SPRED1: variants seen among roughly 807,000 people sequenced by gnomAD.
SPRED1 encodes sprouty related EVH1 domain containing 1, also known as sprouty-related, EVH1 domain-containing protein 1.
SPRED1 carries 18 observed loss-of-function variants against 52.3 expected under a neutral mutation model. The observed-to-expected ratio is 0.34, with a 90% confidence interval of 0.24 to 0.51. SPRED1 has a LOEUF of 0.51. Ranked by LOEUF, SPRED1 falls within the 20% of genes least tolerant of loss-of-function variation. The pLI, the probability that SPRED1 is intolerant of heterozygous loss-of-function variation, is 0.97. For missense variants in SPRED1, 485 were observed against 551.0 expected (o/e 0.88, Z 1.20); for synonymous variants, 155 against 179.7 (o/e 0.86, Z 1.10).
intron 1 of SPRED1, among the ~76,000 whole-genome samples, chr15:38,289,409 CTT>C (rs58172284): frequency 2.5e-4 from 36 of 144,554 alleles, no homozygotes; most frequent in African/African-American, 6.8e-4. Flanking sequence ...AAGGAAGTAC[CTT>C]TTTTTTTTTT....
intron 5 of SPRED1, among the ~76,000 whole-genome samples, chr15:38,344,226 A>G (rs894743700): frequency 6.6e-6 from 1 of 152,158 alleles, no homozygotes; most frequent in African/African-American, 2.4e-5. Flanking sequence ...GAGTGGAAGT[A>G]TGCATATCCT....
chr15:38,328,586 T>C (rs755664835), intron 4 of SPRED1, among the ~76,000 whole-genome samples: 32 of 152,236 alleles, frequency 2.1e-4, no homozygotes, highest in Non-Finnish European at 4.4e-4. Flanking sequence ...CATACATAGT[T>C]GGCACTCAAA....
At chr15:38,325,720 A>C (rs1262337307) in intron 4 of SPRED1, among the ~76,000 whole-genome samples, 1 of 152,186 alleles carries the variant, frequency 6.6e-6, no homozygotes, top group African/African-American at 2.4e-5. Context: ...TGAAGCGTTC[A>C]GACAATAGCC....
chr15:38,281,865 A>T (rs1442447320), intron 1 of SPRED1, among the ~76,000 whole-genome samples: 1 of 152,132 alleles, frequency 6.6e-6, no homozygotes, highest in African/African-American at 2.4e-5. Context: ...AATCCTTTGG[A>T]ATTTACTCAG....
Position 38,252,993 on chromosome 15 carries a change from C to G in SPRED1, c.-193C>G, listed in dbSNP as rs1894010931. ...CCACGGCGGAGGTTGCTGCCGCCACCCCCCTGCGGGGGTGGCCGGGGTTCC... is the reference window on the plus strand; with the variant it reads ...CCACGGCGGAGGTTGCTGCCGCCACGCCCCTGCGGGGGTGGCCGGGGTTCC... On this transcript the variant is annotated 5_prime_UTR_variant, in exon 1 of 7. Coordinates refer to ENST00000299084, the MANE Select transcript of SPRED1 (RefSeq NM_152594.3). The G allele has an allele frequency of 4.9e-6, 3 of 608,970 alleles. No homozygotes were observed. Among genetic ancestry groups the G allele is most frequent in the Non-Finnish European group, 8.7e-6 (3 of 343,476 alleles). 37.7% of individuals were successfully genotyped at this position (608,970 alleles called of 1,614,324 possible).
At chr15:38,267,665 A>G (rs1894338641) in intron 1 of SPRED1, among the ~76,000 whole-genome samples, 1 of 152,206 alleles carries the variant, frequency 6.6e-6, no homozygotes, top group Admixed American at 6.5e-5. Flanking sequence ...TTTAGTCTTT[A>G]TAATAACCAT....
At chr15:38,308,354 A>G (rs570242695) in intron 2 of SPRED1, among the ~76,000 whole-genome samples, 1 of 152,272 alleles carries the variant, frequency 6.6e-6, no homozygotes, top group South Asian at 2.1e-4. Flanking sequence ...TCATATTCAG[A>G]TTTCCTCAGT....
chr15:38,260,956 T>C (rs1473513939), intron 1 of SPRED1, among the ~76,000 whole-genome samples: 3 of 152,162 alleles, frequency 2.0e-5, no homozygotes, highest in Non-Finnish European at 4.4e-5. Flanking sequence ...GACGAAATAT[T>C]ACAAATAGTG....
At chr15:38,256,980 TA>T (rs768285622) in intron 1 of SPRED1, among the ~76,000 whole-genome samples, 8 of 152,172 alleles carry the variant, frequency 5.3e-5, no homozygotes, top group Admixed American at 6.5e-5. Flanking sequence ...AAAAATCAGC[TA>T]AATGACTGCA....
intron 4 of SPRED1, among the ~76,000 whole-genome samples, chr15:38,336,426 A>ATGTGTATGTG (rs1298349053): frequency 7.2e-6 from 1 of 138,476 alleles, no homozygotes; most frequent in Non-Finnish European, 1.5e-5. Flanking sequence ...GTGTGTGTAT[A>ATGTGTATGTG]TATATATATA....
At chr15:38,329,405 T>C (rs1229684465) in intron 4 of SPRED1, among the ~76,000 whole-genome samples, 1 of 152,204 alleles carries the variant, frequency 6.6e-6, no homozygotes, top group Non-Finnish European at 1.5e-5. Flanking sequence ...GAATTGTTCA[T>C]GTAATGATTT....
chr15:38,333,260 C>A (rs1227018756), intron 4 of SPRED1, among the ~76,000 whole-genome samples: 2 of 152,060 alleles, frequency 1.3e-5, no homozygotes, highest in African/African-American at 2.4e-5. Flanking sequence ...GAGTTTGTAG[C>A]TGAGGTTAAG....
intron 1 of SPRED1, among the ~76,000 whole-genome samples, chr15:38,294,874 T>C (rs1009237750): frequency 3.9e-5 from 6 of 152,202 alleles, no homozygotes; most frequent in Non-Finnish European, 8.8e-5. Context: ...AAAATATATA[T>C]GTGGCAAAAA....
At chr15:38,299,317 C>G in intron 1 of SPRED1, 56 bp from the exon 2 acceptor site, 1 of 1,584,118 alleles carries the variant, frequency 6.3e-7, no homozygotes, top group Non-Finnish European at 8.7e-7. Context: ...AGACTGATGG[C>G]TTGGCTGTTT....
chr15:38,307,724 G>T (rs1357382), intron 2 of SPRED1, among the ~76,000 whole-genome samples: 125,310 of 152,060 alleles, frequency 0.82, 52,423 homozygotes, highest in Non-Finnish European at 0.9. Flanking sequence ...TCTAAATTAT[G>T]GTAACTTTAA....
chr15:38,284,383 G>A (rs1020018526), intron 1 of SPRED1, among the ~76,000 whole-genome samples: 2 of 151,978 alleles, frequency 1.3e-5, no homozygotes, highest in African/African-American at 4.8e-5. Context: ...TGGGTCTAAA[G>A]GTATAATATT....
intron 5 of SPRED1, among the ~76,000 whole-genome samples, chr15:38,346,011 T>G (rs1234826571): frequency 6.6e-6 from 1 of 152,184 alleles, no homozygotes; most frequent in East Asian, 1.9e-4. Flanking sequence ...AGTATTTGTC[T>G]TTGACTCGTT....
At chr15:38,259,591 G>GT (rs1189700891) in intron 1 of SPRED1, among the ~76,000 whole-genome samples, 1 of 152,172 alleles carries the variant, frequency 6.6e-6, no homozygotes, top group Admixed American at 6.5e-5. Flanking sequence ...ATCTGTGGAT[G>GT]AATAAGTAAA....
At chr15:38,307,571 T>G (rs1646033092) in intron 2 of SPRED1, among the ~76,000 whole-genome samples, 1 of 152,168 alleles carries the variant, frequency 6.6e-6, no homozygotes, top group Admixed American at 6.5e-5. Flanking sequence ...TATTTCCAAA[T>G]GTAGTCACCA....
Sources: gnomAD v4.1 joint callset for allele counts (sites outside exome capture counted in the v4.1 genomes callset) on GRCh38, gnomAD v4.1.1 for gene constraint, MANE v1.5 for transcripts, NCBI Gene and HGNC (gene_info 2026-07-23, HGNC 2026-07-21) for gene names.